The following TDRD7 variants were observed in gnomAD, a reference collection of about 807,000 sequenced individuals.
TDRD7 encodes tudor domain containing 7.
TDRD7 carries 47 observed loss-of-function variants against 109.8 expected under a neutral mutation model. The ratio of observed to expected loss-of-function variants is 0.43; its 90% CI spans 0.34 to 0.55. The LOEUF (loss-of-function observed/expected upper bound fraction) is 0.55. TDRD7 is among the 20% of genes least tolerant of loss of function. The pLI is 0.03. For synonymous variants in TDRD7, 424 were observed against 457.3 expected, an observed-to-expected ratio of 0.93 and a Z score of 0.93; for missense variants, 1,164 against 1,319.2, an observed-to-expected ratio of 0.88 and a Z score of 1.82.
At chr9:97,444,486 CCTT>C (rs1828365767) in intron 6 of TDRD7, among the ~76,000 whole-genome samples, 1 of 152,324 alleles carries the variant, frequency 6.6e-6, no homozygotes, top group East Asian at 1.9e-4. Context: ...TTATTTTCCC[CCTT>C]CTTATAACTT....
rs550953032 is a variant in TDRD7 at position 97,489,730 on chromosome 9, G to C, written c.3076+2398G>C. 9.9e-5 allele frequency among the ~76,000 whole-genome samples: 15 copies of C among 151,918 alleles called. No individual in the cohort carries two copies. In the South Asian group the frequency reaches 3.1e-3, roughly 32 times the overall value. ...TTCCTTGTTCTTTGCTCTTATTTTT[G>C]TCATTACTCTTTTTCTGCTTTTTGT... On this transcript the variant is annotated intron_variant, in intron 16 of 16. Transcript: ENST00000355295.
chr9:97,415,265 G>C (rs891917390), intron 1 of TDRD7, among the ~76,000 whole-genome samples: 1 of 152,210 alleles, frequency 6.6e-6, no homozygotes, highest in Non-Finnish European at 1.5e-5. Flanking sequence ...AAGAAACTTA[G>C]AAAAGAGAAG....
Position 97,424,162 on chromosome 9 carries a change from T to C in TDRD7, c.-6-4298T>C, listed in dbSNP as rs553214484. 3.4e-5 allele frequency among the ~76,000 whole-genome samples: 5 copies of C among 146,764 alleles called. No individual in the cohort carries two copies. In the South Asian group the frequency reaches 1.1e-3, roughly 33 times the overall value. ...TCCACCGCCTGAGTTCAAGCAATTATCCTGCCTCAGCCTCCTGAGTAGCTG... is the reference window on the plus strand; with the variant it reads ...TCCACCGCCTGAGTTCAAGCAATTACCCTGCCTCAGCCTCCTGAGTAGCTG... On this transcript the variant is annotated intron_variant, in intron 1 of 16. Transcript: ENST00000355295.
chr9:97,447,007 T>A (rs975366274), intron 6 of TDRD7, among the ~76,000 whole-genome samples: 1 of 152,212 alleles, frequency 6.6e-6, no homozygotes, highest in African/African-American at 2.4e-5. Context: ...TAATATTTTT[T>A]AAATGGAATC....
chr9:97,437,505 A>G (rs565489187), intron 4 of TDRD7, among the ~76,000 whole-genome samples: 6 of 152,274 alleles, frequency 3.9e-5, no homozygotes, highest in African/African-American at 1.4e-4. Flanking sequence ...GTTATTTGTG[A>G]TCCCTTCAGC....
intron 15 of TDRD7, among the ~76,000 whole-genome samples, chr9:97,485,746 G>A (rs945103308): frequency 6.6e-6 from 1 of 152,202 alleles, no homozygotes; most frequent in Non-Finnish European, 1.5e-5. Context: ...TATTATTTCT[G>A]TAAGTGAATT....
Position 97,467,939 on chromosome 9 carries a change from G to A in TDRD7, c.1630-2619G>A, listed in dbSNP as rs554808376. On this transcript the variant is annotated intron_variant, in intron 8 of 16. Coordinates refer to ENST00000355295, the MANE Select transcript of TDRD7 (RefSeq NM_014290.3). Reference sequence around the variant, plus strand: ...TTGGAAGTGGATGGTAAGCAAAAGAGAAGATTCAAGATAAGCTACTGGGTT... The same window carrying A: ...TTGGAAGTGGATGGTAAGCAAAAGAAAAGATTCAAGATAAGCTACTGGGTT... Among the ~76,000 whole-genome samples, 9 of 152,326 alleles carry A rather than the reference G, an allele frequency of 5.9e-5. No homozygotes were observed. The East Asian group carries it at 1.5e-3, about 26-fold the overall frequency.
chr9:97,469,822 A>C (rs775230884), intron 8 of TDRD7, among the ~76,000 whole-genome samples: 5 of 152,248 alleles, frequency 3.3e-5, no homozygotes, highest in Non-Finnish European at 7.3e-5. Context: ...AATAATATCC[A>C]GGCTCTTAAC....
chr9:97,459,003 G>A (rs554393408), intron 6 of TDRD7, among the ~76,000 whole-genome samples: 1 of 152,284 alleles, frequency 6.6e-6, no homozygotes, highest in South Asian at 2.1e-4. Context: ...ATGTAAACTT[G>A]TAATTATTAC....
intron 9 of TDRD7, 113 bp from the exon 10 acceptor site, chr9:97,472,180 A>G (rs1258143444): frequency 3.3e-6 from 3 of 919,544 alleles, no homozygotes; most frequent in Non-Finnish European, 5.2e-6. Context: ...AAATTTAATA[A>G]TTTTGCAGTA....
In TDRD7 at chr9:97,478,548, A is replaced by G. The variant is rs1829062885; in HGVS notation, c.2276A>G (p.Gln759Arg). The G allele has an allele frequency of 6.2e-7, 1 of 1,614,056 alleles. No individual in the cohort carries two copies. ...ELREIPPRFL[Q>R]EMIAIPPQAI... ...AGGGAAATTCCACCTCGGTTTCTACAAGAAATGATTGCAATACCACCTCAG... is the reference window on the plus strand; with the variant it reads ...AGGGAAATTCCACCTCGGTTTCTACGAGAAATGATTGCAATACCACCTCAG... Residue 759 changes from glutamine to arginine, a missense_variant, in exon 13 of 17, where the codon CAA becomes CGA. Gln to Arg is a conservative substitution (Grantham distance 43). Around this residue, in one of 5 missense-constraint regions of TDRD7, gnomAD observed 233 missense variants for 218.0 expected, o/e 1.07. Transcript: ENST00000355295.
intron 8 of TDRD7, among the ~76,000 whole-genome samples, chr9:97,465,319 T>A (rs1828805029): frequency 6.6e-6 from 1 of 152,222 alleles, no homozygotes; most frequent in African/African-American, 2.4e-5. Flanking sequence ...AGGGGATGTA[T>A]AATGAATACT....
intron 7 of TDRD7, among the ~76,000 whole-genome samples, chr9:97,461,119 C>G (rs1424159476): frequency 1.4e-5 from 2 of 144,994 alleles, no homozygotes; most frequent in Non-Finnish European, 3.0e-5. Flanking sequence ...CCAGCCTGGG[C>G]GAAAGAGCAA....
At chr9:97,435,446 A>T (rs1218996452) in intron 4 of TDRD7, among the ~76,000 whole-genome samples, 1 of 150,406 alleles carries the variant, frequency 6.6e-6, no homozygotes, top group Non-Finnish European at 1.5e-5. Context: ...CCTGGGCAAC[A>T]TGGTGAGACC....
chr9:97,423,409 T>A (rs916191511), intron 1 of TDRD7, among the ~76,000 whole-genome samples: 1 of 152,012 alleles, frequency 6.6e-6, no homozygotes, highest in Non-Finnish European at 1.5e-5. Flanking sequence ...TTTTTTTTTT[T>A]TCTATGTTTC....
Position 97,473,644 on chromosome 9 carries a change from C to A in TDRD7, c.2079+18C>A. 1 of 1,613,392 alleles carries A rather than the reference C, an allele frequency of 6.2e-7. No individual in the cohort carries two copies. The highest frequency in any genetic ancestry group is 8.5e-7 in the Non-Finnish European group (1 of 1,179,604). ...ATTGCAAGGTATAGCAGAACCTCTTCTACCTCTAAAATTAGCCCTAAAATT... is the reference window on the plus strand; with the variant it reads ...ATTGCAAGGTATAGCAGAACCTCTTATACCTCTAAAATTAGCCCTAAAATT... On this transcript the variant is annotated intron_variant, in intron 11 of 16. Coordinates refer to ENST00000355295, the MANE Select transcript of TDRD7 (RefSeq NM_014290.3).
chr9:97,467,517 T>C (rs1420534879), intron 8 of TDRD7, among the ~76,000 whole-genome samples: 10 of 152,232 alleles, frequency 6.6e-5, no homozygotes, highest in Admixed American at 1.3e-4. Context: ...ATACACTTTT[T>C]CACTTTTTAC....
At chr9:97,483,980 A>G (rs1369749071) in intron 15 of TDRD7, among the ~76,000 whole-genome samples, 1 of 152,128 alleles carries the variant, frequency 6.6e-6, no homozygotes, top group African/African-American at 2.4e-5. Context: ...TTTGTTATGT[A>G]AGGTTTTCTC....
chr9:97,491,758 A>T (rs186385788), intron 16 of TDRD7, among the ~76,000 whole-genome samples: 2 of 152,284 alleles, frequency 1.3e-5, no homozygotes, highest in Non-Finnish European at 2.9e-5. Context: ...CTCTAGTAAA[A>T]TAGTTTCTTC....
Sources: allele counts gnomAD v4.1 joint callset (sites outside exome capture counted in the v4.1 genomes callset), GRCh38; gene constraint gnomAD v4.1.1; regional missense constraint gnomAD v4.1.1; transcripts MANE v1.5; gene names NCBI Gene and HGNC (gene_info 2026-07-23, HGNC 2026-07-21).